TMF1: variants seen among roughly 807,000 people sequenced by gnomAD.
The protein encoded by TMF1 is TATA element modulatory factor 1, also known as TATA element modulatory factor.
Under a neutral mutation model 126.5 loss-of-function variants are expected in TMF1, and 71 were observed. That is an observed-to-expected ratio of 0.56 (90% CI 0.46 to 0.68). TMF1 has a LOEUF of 0.68. Ranked by LOEUF, TMF1 falls within the 30% of genes least tolerant of loss-of-function variation. The probability of loss-of-function intolerance (pLI) is 0.00; values close to 1 mark genes in which losing one functional copy is unlikely to be tolerated. For missense variants in TMF1, 1,259 were observed against 1,253.2 expected (o/e 1.00, Z -0.07); for synonymous variants, 461 against 430.5 (o/e 1.07, Z -0.88).
At chr3:69,037,469 G>C (rs1037230925) in intron 8 of TMF1, among the ~76,000 whole-genome samples, 2 of 151,616 alleles carry the variant, frequency 1.3e-5, no homozygotes, top group African/African-American at 4.9e-5. Context: ...GTGAAGCCTC[G>C]TCTCTACTAA....
At chr3:69,028,337 A>G in intron 11 of TMF1, 42 bp from the exon 12 acceptor site, 1 of 1,395,206 alleles carries the variant, frequency 7.2e-7, no homozygotes, top group Non-Finnish European at 1.0e-6. Context: ...AAAATGAAAA[A>G]GATGCTAGTA....
intron 3 of TMF1, 56 bp downstream of exon 3, chr3:69,044,436 A>C: frequency 2.1e-6 from 2 of 949,050 alleles, no homozygotes; most frequent in Non-Finnish European, 3.2e-6. Context: ...AATATGTACA[A>C]AGTATACAGG....
At position 69,052,273 on chromosome 3, in the gene TMF1, A is replaced by T; in HGVS notation, c.-187T>A. 1.8e-6 allele frequency: 1 copy of T among 540,788 alleles called. No homozygotes were observed. The highest frequency in any genetic ancestry group is 3.1e-6 in the Non-Finnish European group (1 of 319,224). 33.5% of individuals were successfully genotyped at this position (540,788 alleles called of 1,614,324 possible). On this transcript the variant is annotated 5_prime_UTR_variant, in exon 1 of 17. Coordinates refer to ENST00000398559, the MANE Select transcript of TMF1 (RefSeq NM_007114.3). ...CCTCGGCCGTTCCCGCACAGCTGAG[A>T]CGAAGGGGGCCCATGTGCGCATGCG...
chr3:69,040,664 C>T (rs761142779), intron 5 of TMF1, among the ~76,000 whole-genome samples: 2 of 152,162 alleles, frequency 1.3e-5, no homozygotes, highest in East Asian at 1.9e-4. Context: ...CAGTGGCTCA[C>T]GCCTGTAATC....
At position 69,052,102 on chromosome 3, in the gene TMF1, G is replaced by A; in HGVS notation, c.-16C>T. The A allele has an allele frequency of 6.2e-7, 1 of 1,601,860 alleles. No homozygotes were observed. Among genetic ancestry groups the A allele is most frequent in the Non-Finnish European group, 8.5e-7 (1 of 1,175,292 alleles). ...ACCAACTCATCGCCCCTCCTCAGCC[G>A]GCAGTGGCGGCGGCAGCACCAAGCG... On this transcript the variant is annotated 5_prime_UTR_variant, in exon 1 of 17. Transcript: ENST00000398559.
chr3:69,023,305 A>G lies in TMF1; in HGVS notation c.3154T>C (p.Tyr1052His). The change falls in exon 17 of 17, where the codon TAC becomes CAC. Residue 1052 changes from tyrosine (Y) to histidine (H), a missense_variant. Physicochemically the swap from Tyr to His is moderately conservative, Grantham distance 83 (BLOSUM62 2). Coordinates refer to ENST00000398559, the MANE Select transcript of TMF1 (RefSeq NM_007114.3). ...RTQLRDLDQR[Y>H]NTILQMYGEK... ...CCATACATCTGCAGAATAGTGTTGTACCTTTGATCCAAATCCTGAAAAATG... is the reference window on the plus strand; with the variant it reads ...CCATACATCTGCAGAATAGTGTTGTGCCTTTGATCCAAATCCTGAAAAATG... The G allele has an allele frequency of 1.2e-6, 2 of 1,608,254 alleles. No individual in the cohort carries two copies. Among genetic ancestry groups the G allele is most frequent in the Non-Finnish European group, 1.7e-6 (2 of 1,178,082 alleles).
Position 69,025,995 on chromosome 3 carries a change from C to G in TMF1, c.2859+1G>C, listed in dbSNP as rs370183559. The G allele has an allele frequency of 7.5e-6, 12 of 1,606,898 alleles. No individual in the cohort carries two copies. Among genetic ancestry groups the G allele is most frequent in the Non-Finnish European group, 9.4e-6 (11 of 1,174,840 alleles). On this transcript the variant is annotated splice_donor_variant, in intron 14 of 16. Coordinates refer to ENST00000398559, the MANE Select transcript of TMF1 (RefSeq NM_007114.3). LOFTEE classifies it high-confidence loss of function. ...AGCACATATAAAAAATAAAACATCA[C>G]CTGAGACAGAAAAGATGTCTGTAGT...
At position 69,042,581 on chromosome 3, in the gene TMF1, A is replaced by C. The variant is rs1203412404; in HGVS notation, c.1684+226T>G. On this transcript the variant is annotated intron_variant, in intron 5 of 16. Coordinates refer to ENST00000398559, the MANE Select transcript of TMF1 (RefSeq NM_007114.3). ...ACAAATTTCTGTCTATTTTACAGGG[A>C]CTTACTTTTCTTTTTACTTCCAAAA... The C allele has an allele frequency of 6.3e-6, 4 of 635,560 alleles. No individual in the cohort carries two copies. In the Admixed American group the frequency reaches 8.3e-5, roughly 13 times the overall value. 39.4% of individuals were successfully genotyped at this position (635,560 alleles called of 1,614,324 possible).
At chr3:69,035,264 C>T (rs909469918) in intron 8 of TMF1, 149 bp from the exon 9 acceptor site, 1 of 620,812 alleles carries the variant, frequency 1.6e-6, no homozygotes, top group Non-Finnish European at 2.8e-6. Flanking sequence ...TATCACATCT[C>T]TCATTCATCA....
At chr3:69,030,797 A>G (rs1299178912) in intron 10 of TMF1, 2 of 152,248 alleles carry the variant, frequency 1.3e-5, no homozygotes, top group Admixed American at 1.3e-4. Context: ...AATGTTGGCA[A>G]GGGTGTGAAG....
At chr3:69,036,909 A>G in intron 8 of TMF1, among the ~76,000 whole-genome samples, 1 of 152,228 alleles carries the variant, frequency 6.6e-6, no homozygotes, top group Non-Finnish European at 1.5e-5. Context: ...AAATAACAAA[A>G]GAAAACATAG....
intron 9 of TMF1, among the ~76,000 whole-genome samples, chr3:69,034,794 T>A (rs995921078): frequency 1.3e-5 from 2 of 152,172 alleles, no homozygotes; most frequent in Admixed American, 1.3e-4. Flanking sequence ...TGAATACATA[T>A]AACAAATCTA....
rs546769213 is a variant in TMF1, at chr3:69,033,542, A to T, written c.2401+6T>A. ...CTGCATCGAGCATAAAAACTAAAGCAGTTACCAAGCCTATCAGAAAGATTC... is the reference window on the plus strand; with the variant it reads ...CTGCATCGAGCATAAAAACTAAAGCTGTTACCAAGCCTATCAGAAAGATTC... On this transcript the variant is annotated splice_donor_region_variant and intron_variant, in intron 10 of 16. Coordinates refer to ENST00000398559, the MANE Select transcript of TMF1 (RefSeq NM_007114.3). The T allele has an allele frequency of 3.7e-6, 6 of 1,608,658 alleles. No homozygotes were observed. Among genetic ancestry groups the T allele is most frequent in the Non-Finnish European group, 3.4e-6 (4 of 1,178,526 alleles).
intron 2 of TMF1, 92 bp from the exon 3 acceptor site, chr3:69,044,687 C>G: frequency 2.8e-6 from 2 of 726,244 alleles, no homozygotes; most frequent in South Asian, 1.9e-5. Context: ...AAGAAAACAG[C>G]TTTATCTCAT....
Position 69,052,131 on chromosome 3 carries a change from A to G in TMF1, c.-45T>C. The stretch of plus-strand genomic sequence containing the variant: ...GTGGCGGCGGCAGCACCAAGCGGGA[A>G]GGCCTCAGGCCTGGGGAAGGGTGCA... On this transcript the variant is annotated 5_prime_UTR_variant, in exon 1 of 17. Transcript: ENST00000398559. The G allele has an allele frequency of 2.5e-6, 4 of 1,578,672 alleles. No individual in the cohort carries two copies. The highest frequency in any genetic ancestry group is 2.3e-5 in the East Asian group (1 of 44,124).
chr3:69,028,558 T>C (rs1420458366), intron 11 of TMF1, among the ~76,000 whole-genome samples: 1 of 152,198 alleles, frequency 6.6e-6, no homozygotes, highest in Admixed American at 6.5e-5. Flanking sequence ...AAAGAGACTT[T>C]ATAAAAATAA....
intron 1 of TMF1, among the ~76,000 whole-genome samples, 160 bp downstream of exon 1, chr3:69,051,785 G>A (rs1381331588): frequency 1.3e-5 from 2 of 152,126 alleles, no homozygotes. Context: ...AGCAAAGACC[G>A]ACTTGGAGGC....
chr3:69,029,774 T>C, intron 11 of TMF1, 41 bp downstream of exon 11: 3 of 1,548,570 alleles, frequency 1.9e-6, no homozygotes, highest in Non-Finnish European at 2.6e-6. Flanking sequence ...CTTTAGGATG[T>C]CACGGAACTA....
chr3:69,042,216 T>G (rs1243520283), intron 5 of TMF1: 1 of 389,614 alleles, frequency 2.6e-6, no homozygotes, highest in African/African-American at 2.1e-5. Context: ...TTTTGTATTT[T>G]TAGTAGAGAC....
Sources: gnomAD v4.1 joint callset for allele counts (sites outside exome capture counted in the v4.1 genomes callset) on GRCh38, gnomAD v4.1.1 for gene constraint, MANE v1.5 for transcripts, NCBI Gene and HGNC (gene_info 2026-07-23, HGNC 2026-07-21) for gene names.